DLG2: variants seen among roughly 807,000 people sequenced by gnomAD.
DLG2 encodes discs large MAGUK scaffold protein 2.
In DLG2, 45 loss-of-function variants were observed where a neutral mutation model predicts 132.5. The observed-to-expected ratio is 0.34, with a 90% CI of 0.27 to 0.44. The LOEUF (loss-of-function observed/expected upper bound fraction) is 0.44. DLG2 is among the 20% of genes least tolerant of loss of function. The pLI is 1.00. For missense variants in DLG2, 1,045 were observed against 1,196.9 expected (o/e 0.87, Z 1.87); for synonymous variants, 424 against 419.6 (o/e 1.01, Z -0.13).
At chr11:84,172,449 C>T (rs939120253) in intron 8 of DLG2, among the ~76,000 whole-genome samples, 2 of 152,012 alleles carry the variant, frequency 1.3e-5, no homozygotes, top group African/African-American at 4.8e-5. Flanking sequence ...AACTTCCGAG[C>T]TCAGCGAATG....
At chr11:85,111,787 T>A in intron 5 of DLG2, 52 bp from the exon 6 acceptor site, 1 of 1,315,962 alleles carries the variant, frequency 7.6e-7, no homozygotes, top group Non-Finnish European at 1.1e-6. Flanking sequence ...GGCCAGTATG[T>A]ATATATGCTA....
chr11:83,481,468 AAG>A (rs1565404224), intron 22 of DLG2, among the ~76,000 whole-genome samples: 1 of 152,258 alleles, frequency 6.6e-6, no homozygotes, highest in Admixed American at 6.5e-5. Context: ...CATTTTTAGA[AAG>A]AGAAAAATAA....
At chr11:85,512,582 T>G (rs1330505273) in intron 3 of DLG2, among the ~76,000 whole-genome samples, 1 of 152,080 alleles carries the variant, frequency 6.6e-6, no homozygotes, top group Non-Finnish European at 1.5e-5. Context: ...GATAAAACCA[T>G]CATTTAATAA....
intron 10 of DLG2, among the ~76,000 whole-genome samples, chr11:84,064,802 A>G (rs1015110424): frequency 2.0e-5 from 3 of 152,196 alleles, no homozygotes; most frequent in Non-Finnish European, 4.4e-5. Flanking sequence ...AGAAGAAAAG[A>G]ATGGGATTTT....
At chr11:83,488,482 A>T (rs1160736417) in intron 21 of DLG2, among the ~76,000 whole-genome samples, 1 of 152,036 alleles carries the variant, frequency 6.6e-6, no homozygotes, top group Admixed American at 6.6e-5. Context: ...CAAAAAACTC[A>T]AATTATTTTC....
intron 2 of DLG2, among the ~76,000 whole-genome samples, chr11:85,624,653 G>T (rs2081942423): frequency 6.6e-6 from 1 of 152,146 alleles, no homozygotes; most frequent in Non-Finnish European, 1.5e-5. Flanking sequence ...TGTTTGGCTA[G>T]TTGTCTATAA....
intron 6 of DLG2, among the ~76,000 whole-genome samples, chr11:84,632,130 C>T (rs1370005386): frequency 6.6e-6 from 1 of 152,138 alleles, no homozygotes; most frequent in Non-Finnish European, 1.5e-5. Flanking sequence ...TACCAAACTG[C>T]CAAATGGAAG....
chr11:83,856,658 T>C (rs1042391398), intron 16 of DLG2, among the ~76,000 whole-genome samples: 2 of 152,218 alleles, frequency 1.3e-5, no homozygotes, highest in Admixed American at 6.5e-5. Flanking sequence ...TCATGTCCTT[T>C]GCCCACTTTT....
intron 11 of DLG2, among the ~76,000 whole-genome samples, chr11:83,981,418 A>G (rs1322909754): frequency 6.6e-6 from 1 of 152,156 alleles, no homozygotes; most frequent in Non-Finnish European, 1.5e-5. Flanking sequence ...AAGAATAAAA[A>G]GAATGTTAAA....
chr11:83,679,678 T>C (rs1278698468), intron 18 of DLG2, among the ~76,000 whole-genome samples: 1 of 152,194 alleles, frequency 6.6e-6, no homozygotes, highest in African/African-American at 2.4e-5. Flanking sequence ...GTTAAAGTAT[T>C]TGACAAAATA....
intron 11 of DLG2, among the ~76,000 whole-genome samples, chr11:84,019,461 T>C (rs2095324395): frequency 6.6e-6 from 1 of 152,212 alleles, no homozygotes; most frequent in Non-Finnish European, 1.5e-5. Context: ...TTTGAATGTT[T>C]CCCTGGTAGA....
At chr11:84,605,837 A>G (rs921254956) in intron 6 of DLG2, among the ~76,000 whole-genome samples, 1 of 151,950 alleles carries the variant, frequency 6.6e-6, no homozygotes, top group African/African-American at 2.4e-5. Context: ...CTGATCTTTC[A>G]TTATACTTTT....
At chr11:84,140,689 A>T (rs975478388) in intron 9 of DLG2, among the ~76,000 whole-genome samples, 1 of 152,148 alleles carries the variant, frequency 6.6e-6, no homozygotes, top group African/African-American at 2.4e-5. Flanking sequence ...CACAAACAAA[A>T]ATAAATGTAT....
At chr11:84,048,752 C>G (rs1031489901) in intron 11 of DLG2, among the ~76,000 whole-genome samples, 2 of 151,526 alleles carry the variant, frequency 1.3e-5, no homozygotes, top group Admixed American at 6.6e-5. Flanking sequence ...TCATGAACTG[C>G]TGAATTTCAG....
At chr11:84,656,476 A>C (rs1242440929) in intron 6 of DLG2, among the ~76,000 whole-genome samples, 1 of 152,202 alleles carries the variant, frequency 6.6e-6, no homozygotes, top group Non-Finnish European at 1.5e-5. Flanking sequence ...AGCCAAATGT[A>C]GTGGAAGAGA....
At chr11:83,734,948 A>G (rs1246294842) in intron 18 of DLG2, among the ~76,000 whole-genome samples, 4 of 152,064 alleles carry the variant, frequency 2.6e-5, no homozygotes, top group Non-Finnish European at 4.4e-5. Flanking sequence ...CACACAAACA[A>G]GGCGCCCCAC....
intron 7 of DLG2, among the ~76,000 whole-genome samples, chr11:84,523,204 TA>T (rs1250855208): frequency 1.3e-5 from 2 of 152,194 alleles, no homozygotes; most frequent in African/African-American, 4.8e-5. Flanking sequence ...TAATGTGAAA[TA>T]ATTACCATTT....
chr11:84,242,553 C>G (rs2097245238), intron 8 of DLG2, among the ~76,000 whole-genome samples: 1 of 151,862 alleles, frequency 6.6e-6, no homozygotes, highest in Admixed American at 6.6e-5. Flanking sequence ...TTACAGGTGT[C>G]TGCCACTGTG....
intron 14 of DLG2, among the ~76,000 whole-genome samples, chr11:83,935,409 G>C (rs1300065150): frequency 6.6e-6 from 1 of 152,142 alleles, no homozygotes; most frequent in Non-Finnish European, 1.5e-5. Flanking sequence ...ATCAGGCTGT[G>C]AACTATGTGG....
Sources: gnomAD v4.1 joint callset for allele counts (sites outside exome capture counted in the v4.1 genomes callset) on GRCh38, gnomAD v4.1.1 for gene constraint, MANE v1.5 for transcripts, NCBI Gene and HGNC (gene_info 2026-07-23, HGNC 2026-07-21) for gene names.